The following SIPA1L1 variants were observed in gnomAD, a reference collection of about 807,000 sequenced individuals.
SIPA1L1 encodes the protein signal induced proliferation associated 1 like 1.
A neutral mutation model predicts 162.7 loss-of-function variants in SIPA1L1; 26 were observed. The ratio of observed to expected loss-of-function variants is 0.16; its 90% confidence interval spans 0.12 to 0.22. The LOEUF (loss-of-function observed/expected upper bound fraction) is 0.22. Ranked by LOEUF, SIPA1L1 falls within the 10% of genes least tolerant of loss-of-function variation. The probability of loss-of-function intolerance (pLI) is 1.00; values close to 1 mark genes in which losing one functional copy is unlikely to be tolerated. For missense variants in SIPA1L1, 1,874 were observed against 2,241.0 expected, an observed-to-expected ratio of 0.84 and a Z score of 3.31; for synonymous variants, 829 against 837.4, an observed-to-expected ratio of 0.99 and a Z score of 0.17.
At chr14:71,354,592 TAA>T (rs79840455) in intron 2 of SIPA1L1, among the ~76,000 whole-genome samples, 19 of 141,100 alleles carry the variant, frequency 1.3e-4, no homozygotes, top group African/African-American at 3.6e-4. Flanking sequence ...CTTCATTTCT[TAA>T]AAAAAAAAAA....
chr14:71,640,211 C>G (rs2041569676), intron 7 of SIPA1L1, among the ~76,000 whole-genome samples: 1 of 152,036 alleles, frequency 6.6e-6, no homozygotes, highest in Admixed American at 6.6e-5. Context: ...CGGCCTAAAC[C>G]TTGACTTTTA....
At chr14:71,501,260 C>T (rs1336900034) in intron 2 of SIPA1L1, among the ~76,000 whole-genome samples, 1 of 151,958 alleles carries the variant, frequency 6.6e-6, no homozygotes, top group Admixed American at 6.5e-5. Flanking sequence ...GTCGAGGCTA[C>T]AGTGAGCCAT....
intron 2 of SIPA1L1, among the ~76,000 whole-genome samples, chr14:71,376,342 ATCT>A (rs974206801): frequency 7.3e-5 from 11 of 150,084 alleles, no homozygotes; most frequent in South Asian, 4.2e-4. Context: ...TTCTCTTATA[ATCT>A]TCTTTTTTTT....
chr14:71,675,638 GT>G (rs1458031518), intron 12 of SIPA1L1, among the ~76,000 whole-genome samples: 1 of 152,234 alleles, frequency 6.6e-6, no homozygotes, highest in Non-Finnish European at 1.5e-5. Flanking sequence ...TCCCACTGCT[GT>G]TTTTGTAGCA....
intron 2 of SIPA1L1, among the ~76,000 whole-genome samples, chr14:71,435,747 C>T (rs553020726): frequency 6.3e-4 from 96 of 152,336 alleles, no homozygotes; most frequent in African/African-American, 2.3e-3. Context: ...TGAGGAATCG[C>T]CATGCTGTCC....
rs560962521 is a variant in SIPA1L1 at position 71,474,132 on chromosome 14, C to G, written c.-464-38611C>G. Among the ~76,000 whole-genome samples, 4 of 152,172 alleles carry G rather than the reference C, an allele frequency of 2.6e-5. 1 individual carries two copies. The South Asian group carries it at 8.3e-4, about 32-fold the overall frequency. On this transcript the variant is annotated intron_variant, in intron 2 of 23. Coordinates refer to ENST00000381232, the MANE Select transcript of SIPA1L1 (RefSeq NM_001386936.1). Reference sequence around the variant, plus strand: ...CAACAGCTGCAAAATTGACACTTGGCTTATAAAGATTCCTACAGAGAATTA... The same window carrying G: ...CAACAGCTGCAAAATTGACACTTGGGTTATAAAGATTCCTACAGAGAATTA...
chr14:71,440,344 A>G (rs2044737112), intron 2 of SIPA1L1, among the ~76,000 whole-genome samples: 1 of 152,130 alleles, frequency 6.6e-6, no homozygotes. Flanking sequence ...TTGTAGCATA[A>G]GTAAGATGAT....
intron 2 of SIPA1L1, among the ~76,000 whole-genome samples, chr14:71,397,499 T>TG (rs1481241085): frequency 2.3e-5 from 2 of 88,212 alleles, no homozygotes; most frequent in Admixed American, 1.4e-4. Context: ...TGAAATTTTT[T>TG]GGGGGGTGGG....
chr14:71,610,160 C>T lies in SIPA1L1; in HGVS notation c.1499-8597C>T, dbSNP rs1596399970. Among the ~76,000 whole-genome samples, 3 of 152,292 alleles carry T rather than the reference C, an allele frequency of 2.0e-5. No individual in the cohort carries two copies. In the South Asian group the frequency reaches 6.2e-4, roughly 32 times the overall value. ...TCTATTGGTGTCAAAGTCACATGTACAACTAATATTGTTTGTTGTCTGCAT... is the reference window on the plus strand; with the variant it reads ...TCTATTGGTGTCAAAGTCACATGTATAACTAATATTGTTTGTTGTCTGCAT... On this transcript the variant is annotated intron_variant, in intron 5 of 23. Coordinates refer to ENST00000381232, the MANE Select transcript of SIPA1L1 (RefSeq NM_001386936.1).
chr14:71,378,836 C>G (rs766756421), intron 2 of SIPA1L1, among the ~76,000 whole-genome samples: 1 of 152,012 alleles, frequency 6.6e-6, no homozygotes, highest in African/African-American at 2.4e-5. Flanking sequence ...GAATTGTCTC[C>G]TTTATAATTA....
intron 14 of SIPA1L1, 85 bp downstream of exon 14, chr14:71,699,212 T>C: frequency 2.3e-6 from 3 of 1,294,318 alleles, no homozygotes; most frequent in Non-Finnish European, 3.3e-6. Context: ...ATGACTTCCA[T>C]TCAGCCAGCC....
chr14:71,719,048 C>T (rs2083483009), intron 17 of SIPA1L1, among the ~76,000 whole-genome samples: 1 of 152,106 alleles, frequency 6.6e-6, no homozygotes, highest in African/African-American at 2.4e-5. Flanking sequence ...AAGCAATCCT[C>T]CCACCTCAGC....
At chr14:71,700,159 T>A (rs2081975652) in intron 14 of SIPA1L1, among the ~76,000 whole-genome samples, 1 of 151,592 alleles carries the variant, frequency 6.6e-6, no homozygotes, top group African/African-American at 2.4e-5. Flanking sequence ...TTTACCTTAT[T>A]GTTTATTTAA....
intron 4 of SIPA1L1, among the ~76,000 whole-genome samples, chr14:71,537,507 G>A (rs1354248235): frequency 6.6e-6 from 1 of 152,124 alleles, no homozygotes; most frequent in Non-Finnish European, 1.5e-5. Flanking sequence ...TCCTGGCTAA[G>A]TTTACTACTT....
At chr14:71,721,414 C>G (rs1471577036) in intron 17 of SIPA1L1, among the ~76,000 whole-genome samples, 1 of 152,206 alleles carries the variant, frequency 6.6e-6, no homozygotes, top group Non-Finnish European at 1.5e-5. Context: ...GGGTCCCACC[C>G]AAGGCCCGTG....
chr14:71,657,005 T>C (rs186104887), intron 8 of SIPA1L1, among the ~76,000 whole-genome samples: 35 of 152,336 alleles, frequency 2.3e-4, no homozygotes, highest in Admixed American at 4.6e-4. Flanking sequence ...TCAGAGACTT[T>C]GTCTGAGAGC....
chr14:71,479,952 T>G (rs577094693), intron 2 of SIPA1L1, among the ~76,000 whole-genome samples: 1 of 152,100 alleles, frequency 6.6e-6, no homozygotes, highest in Non-Finnish European at 1.5e-5. Context: ...TTGTCCAGGA[T>G]GATCTTGAAT....
intron 2 of SIPA1L1, among the ~76,000 whole-genome samples, chr14:71,489,185 C>A (rs1483437908): frequency 6.6e-6 from 1 of 152,170 alleles, no homozygotes; most frequent in African/African-American, 2.4e-5. Context: ...ATAGACATTG[C>A]CTTTAGAAAA....
chr14:71,354,633 G>A (rs369938208), intron 2 of SIPA1L1, among the ~76,000 whole-genome samples: 1 of 151,938 alleles, frequency 6.6e-6, no homozygotes, highest in South Asian at 2.1e-4. Context: ...TGCAATCAGA[G>A]GACACATATG....
Sources: allele counts gnomAD v4.1 joint callset (sites outside exome capture counted in the v4.1 genomes callset), GRCh38; gene constraint gnomAD v4.1.1; transcripts MANE v1.5; gene names NCBI Gene and HGNC (gene_info 2026-07-23, HGNC 2026-07-21).